The following ZSCAN30 variants were observed in gnomAD, a reference collection of about 807,000 sequenced individuals.
ZSCAN30 encodes zinc finger and SCAN domain-containing protein 30.
ZSCAN30 carries 37 observed loss-of-function variants against 44.3 expected under a neutral mutation model. That is an observed-to-expected ratio of 0.84 (90% CI 0.64 to 1.10). ZSCAN30 has a LOEUF of 1.10. ZSCAN30 is among the 50% of genes least tolerant of loss of function. The pLI is 0.00. For missense variants in ZSCAN30, 549 were observed against 582.6 expected, an observed-to-expected ratio of 0.94 and a Z score of 0.59; for synonymous variants, 181 against 204.6, an observed-to-expected ratio of 0.88 and a Z score of 0.98.
chr18:35,288,232 T>C (rs557245968), intron 1 of ZSCAN30, among the ~76,000 whole-genome samples: 23 of 152,348 alleles, frequency 1.5e-4, no homozygotes, highest in African/African-American at 5.3e-4. Context: ...TTTGTACAGA[T>C]ACTTCACCAA....
intron 3 of ZSCAN30, chr18:35,262,123 T>G (rs1436583129): frequency 6.6e-6 from 1 of 152,198 alleles, no homozygotes. Flanking sequence ...GGGTAGACTC[T>G]TAATAACTAA....
intron 1 of ZSCAN30, among the ~76,000 whole-genome samples, chr18:35,278,980 G>A (rs1293250733): frequency 6.6e-6 from 1 of 152,162 alleles, no homozygotes; most frequent in Non-Finnish European, 1.5e-5. Flanking sequence ...TCCCTAAAAT[G>A]TAACTTTCTC....
In ZSCAN30 at chr18:35,264,161, C is replaced by T; in HGVS notation, c.192G>A (p.Glu64=). The T allele has an allele frequency of 6.2e-7, 1 of 1,614,266 alleles. No individual in the cohort carries two copies. The highest frequency in any genetic ancestry group is 8.5e-7 in the Non-Finnish European group (1 of 1,180,052). The change falls in exon 2 of 4, where the codon GAG becomes GAA. Residue 64 remains glutamate (E), a synonymous_variant. Coordinates refer to ENST00000333206, the MANE Select transcript of ZSCAN30 (RefSeq NM_001112734.4). ...FSYSDSTGPR[E]ALSRLRELCC... ...AAAGCTCTCGCAGCCGGCTCAGAGC[C>T]TCCCGAGGGCCAGTGGAGTCAGAGT...
intron 1 of ZSCAN30, among the ~76,000 whole-genome samples, chr18:35,286,659 C>A (rs2044555999): frequency 6.6e-6 from 1 of 151,966 alleles, no homozygotes; most frequent in Non-Finnish European, 1.5e-5. Flanking sequence ...CCACAGCTAA[C>A]ATCATGCTTA....
intron 3 of ZSCAN30, chr18:35,261,235 T>C (rs1166607699): frequency 1.3e-5 from 2 of 152,220 alleles, no homozygotes; most frequent in Non-Finnish European, 2.9e-5. Flanking sequence ...ACCAGTACCA[T>C]GCTGTTTGGG....
intron 3 of ZSCAN30, among the ~76,000 whole-genome samples, chr18:35,256,728 A>G (rs2043835388): frequency 1.3e-5 from 2 of 152,228 alleles, no homozygotes; most frequent in African/African-American, 4.8e-5. Context: ...GAAATAAGGC[A>G]CAGGTATCTC....
rs1311971726 is a variant in ZSCAN30, at chr18:35,253,650, T to A, written c.1285A>T (p.Ile429Phe). Residue 429 changes from isoleucine (I) to phenylalanine (F), a missense_variant, in exon 4 of 4, where the codon ATT (isoleucine) becomes TTT (phenylalanine). By Grantham distance (21) the Ile-to-Phe change is conservative. Coordinates refer to ENST00000333206, the MANE Select transcript of ZSCAN30 (RefSeq NM_001112734.4). ...GKAFGRSSIL[I>F]EHQRIHTGEK... ...CCAGTGTGAATTCTTTGATGTTCAA[T>A]AAGGATAGAACTCCTACCAAAAGCC... The A allele has an allele frequency of 1.2e-6, 2 of 1,614,056 alleles. No individual in the cohort carries two copies. Among genetic ancestry groups the A allele is most frequent in the African/African-American group, 2.7e-5 (2 of 74,924 alleles).
intron 1 of ZSCAN30, among the ~76,000 whole-genome samples, chr18:35,265,974 A>G (rs1569073481): frequency 6.6e-6 from 1 of 152,302 alleles, no homozygotes; most frequent in East Asian, 1.9e-4. Context: ...ATGGAGAGGA[A>G]GGTCACCCAG....
At chr18:35,282,249 G>A (rs562036771) in intron 1 of ZSCAN30, 1 of 152,260 alleles carries the variant, frequency 6.6e-6, no homozygotes, top group South Asian at 2.1e-4. Context: ...TTATCATCTG[G>A]GAGCAGAATG....
At chr18:35,271,933 C>G (rs951585311) in intron 1 of ZSCAN30, among the ~76,000 whole-genome samples, 4 of 152,000 alleles carry the variant, frequency 2.6e-5, no homozygotes, top group African/African-American at 2.4e-5. Context: ...GCTGGCCGGC[C>G]GCTCCAAGTG....
At chr18:35,263,437 G>C (rs542746005) in intron 3 of ZSCAN30, 76 bp downstream of exon 3, 2 of 1,575,962 alleles carry the variant, frequency 1.3e-6, no homozygotes, top group Non-Finnish European at 1.7e-6. Flanking sequence ...AGTGGCTGTC[G>C]TTAAGAAAAT....
intron 3 of ZSCAN30, chr18:35,254,593 A>G (rs1010415326): frequency 2.6e-5 from 20 of 778,076 alleles, no homozygotes; most frequent in South Asian, 1.3e-4. Context: ...ATGAATTAGT[A>G]TTGGAGAAGA....
rs1339249776 is a variant in ZSCAN30 at position 35,290,211 on chromosome 18, T to A, written c.-231A>T. Reference sequence around the variant, plus strand: ...TGGCTAAGGCACTGCTAGGGACAGCTCGCGGCGGTTCGGGGGTTAATTCTC... The same window carrying A: ...TGGCTAAGGCACTGCTAGGGACAGCACGCGGCGGTTCGGGGGTTAATTCTC... On this transcript the variant is annotated 5_prime_UTR_variant, in exon 1 of 4. Coordinates refer to ENST00000333206, the MANE Select transcript of ZSCAN30 (RefSeq NM_001112734.4). 2.6e-5 allele frequency: 4 copies of A among 152,256 alleles called. No individual in the cohort carries two copies. The highest frequency in any genetic ancestry group is 9.7e-5 in the African/African-American group (4 of 41,384). The allele number at this position is 152,256 out of a possible 1,614,324, so 9.4% of individuals were successfully genotyped here. A position where few individuals can be genotyped will look rare whatever the true frequency, so the allele number is the denominator to read the frequency against.
intron 1 of ZSCAN30, among the ~76,000 whole-genome samples, chr18:35,271,274 A>G (rs1470708470): frequency 6.6e-6 from 1 of 152,172 alleles, no homozygotes; most frequent in Non-Finnish European, 1.5e-5. Context: ...GGTCCGTTTT[A>G]TAGAGTGCTG....
In ZSCAN30 at chr18:35,254,069, A is replaced by G. The variant is rs750719127; in HGVS notation, c.866T>C (p.Ile289Thr). The change falls in exon 4 of 4, where the codon ATT becomes ACT. Residue 289 changes from isoleucine to threonine, a missense_variant. Ile to Thr is a moderately conservative substitution (Grantham distance 89). Coordinates refer to ENST00000333206, the MANE Select transcript of ZSCAN30 (RefSeq NM_001112734.4). ...CCTAGTGTCAACGCTCTGTTGTGTA[A>G]TATCATTTGAATTCATACTGAAACT... Reference protein sequence around the residue: ...EGSFSMNSNDITQQSVDTREK... With the variant: ...EGSFSMNSNDTTQQSVDTREK... The G allele has an allele frequency of 3.1e-6, 5 of 1,614,068 alleles. No individual in the cohort carries two copies. The highest frequency in any genetic ancestry group is 3.3e-5 in the Admixed American group (2 of 60,004).
At chr18:35,280,325 T>A in intron 1 of ZSCAN30, among the ~76,000 whole-genome samples, 1 of 146,804 alleles carries the variant, frequency 6.8e-6, no homozygotes, top group South Asian at 2.2e-4. Context: ...GCAACCACCA[T>A]TTATAAAAAG....
intron 1 of ZSCAN30, chr18:35,269,504 T>C (rs938721280): frequency 1.4e-5 from 2 of 147,852 alleles, no homozygotes; most frequent in Admixed American, 6.7e-5. Flanking sequence ...GAAAGAATAA[T>C]ATCTGCAGGG....
chr18:35,286,429 A>G (rs1260562134), intron 1 of ZSCAN30, among the ~76,000 whole-genome samples: 1 of 152,164 alleles, frequency 6.6e-6, no homozygotes, highest in Admixed American at 6.5e-5. Context: ...TATAAAAAGG[A>G]TAATACATCA....
rs2043635893 is a variant in ZSCAN30, at chr18:35,252,529, A to C, written c.*921T>G. On this transcript the variant is annotated 3_prime_UTR_variant, in exon 4 of 4. Coordinates refer to ENST00000333206, the MANE Select transcript of ZSCAN30 (RefSeq NM_001112734.4). Reference sequence around the variant, plus strand: ...CATTTTTTTAAAAATTAGGTCTATGACAATTTCTGCAGTAGAGAAGAGTCT... The same window carrying C: ...CATTTTTTTAAAAATTAGGTCTATGCCAATTTCTGCAGTAGAGAAGAGTCT... The C allele has an allele frequency of 6.6e-6, 1 of 152,130 alleles. No individual in the cohort carries two copies. Among genetic ancestry groups the C allele is most frequent in the Non-Finnish European group, 1.5e-5 (1 of 68,024 alleles). 9.4% of individuals were successfully genotyped at this position (152,130 alleles called of 1,614,324 possible). A position where few individuals can be genotyped will look rare whatever the true frequency, so the allele number is the denominator to read the frequency against.
Sources: gnomAD v4.1 joint callset for allele counts (sites outside exome capture counted in the v4.1 genomes callset) on GRCh38, gnomAD v4.1.1 for gene constraint, MANE v1.5 for transcripts, NCBI Gene and HGNC (gene_info 2026-07-23, HGNC 2026-07-21) for gene names.